KIRREL3: variants seen among roughly 807,000 people sequenced by gnomAD.
KIRREL3 encodes kin of IRRE-like protein 3.
In KIRREL3, 36 loss-of-function variants were observed where a neutral mutation model predicts 89.7. The observed-to-expected ratio is 0.40, with a 90% CI of 0.31 to 0.53. KIRREL3 has a LOEUF of 0.53. Ranked by LOEUF, KIRREL3 falls within the 20% of genes least tolerant of loss-of-function variation. KIRREL3 has a pLI of 0.49. For missense variants in KIRREL3, 864 were observed against 1,056.6 expected, an observed-to-expected ratio of 0.82 and a Z score of 2.53; for synonymous variants, 445 against 441.4, an observed-to-expected ratio of 1.01 and a Z score of -0.10.
At chr11:126,921,391 GTATC>G (rs35917135) in intron 1 of KIRREL3, among the ~76,000 whole-genome samples, 36,844 of 143,682 alleles carry the variant, frequency 0.26, 4,604 homozygotes, top group East Asian at 0.33. Context: ...ATCCTGTCTT[GTATC>G]TATCTATCTA....
intron 9 of KIRREL3, 118 bp downstream of exon 9, chr11:126,446,641 A>G (rs1467365865): frequency 8.6e-7 from 1 of 1,167,050 alleles, no homozygotes. Flanking sequence ...CCTGTGGCTT[A>G]CACTGGAGGC....
At position 126,463,073 on chromosome 11, in the gene KIRREL3, G is replaced by A. The variant is rs764395603; in HGVS notation, c.742+84C>T. The A allele has an allele frequency of 7.3e-7, 1 of 1,367,944 alleles. No individual in the cohort carries two copies. Among genetic ancestry groups the A allele is most frequent in the Non-Finnish European group, 1.0e-6 (1 of 982,358 alleles). The allele number at this position is 1,367,944 out of a possible 1,614,324, so 84.7% of individuals were successfully genotyped here. Reference sequence around the variant, plus strand: ...CTGCCTGACCCATTTCCTGCTATCAGATGGGCCAGGCTATGGTCAGGGTTG... The same window carrying A: ...CTGCCTGACCCATTTCCTGCTATCAAATGGGCCAGGCTATGGTCAGGGTTG... On this transcript the variant is annotated intron_variant, in intron 6 of 16. Coordinates refer to ENST00000525144, the MANE Select transcript of KIRREL3 (RefSeq NM_032531.4). The surrounding 1 kb of genome is among the most constrained non-coding windows in gnomAD (Gnocchi z 5.9).
chr11:126,956,607 G>C (rs867295629), intron 1 of KIRREL3, among the ~76,000 whole-genome samples: 1 of 152,162 alleles, frequency 6.6e-6, no homozygotes. Context: ...TTTGTTAGGG[G>C]TGGTAGTCGG....
At chr11:126,602,123 C>T (rs1432142123) in intron 1 of KIRREL3, among the ~76,000 whole-genome samples, 1 of 152,194 alleles carries the variant, frequency 6.6e-6, no homozygotes, top group Non-Finnish European at 1.5e-5. Flanking sequence ...AGTCTTTCCC[C>T]AGGAGCGGTG....
In KIRREL3 at chr11:126,868,907, C is replaced by T. The variant is rs542224247; in HGVS notation, c.55+131548G>A. ...TAGACAGCTGCCTTCTGGCTGTATCCTCACTTGCTGGAGGGGCAAGAGAGC... is the reference window on the plus strand; with the variant it reads ...TAGACAGCTGCCTTCTGGCTGTATCTTCACTTGCTGGAGGGGCAAGAGAGC... On this transcript the variant is annotated intron_variant, in intron 1 of 16. Coordinates refer to ENST00000525144, the MANE Select transcript of KIRREL3 (RefSeq NM_032531.4). Among the ~76,000 whole-genome samples the T allele has an allele frequency of 3.4e-4, 52 of 152,200 alleles. 1 individual carries two copies. Among genetic ancestry groups the T allele is most frequent in the Middle Eastern group, 3.4e-3 (1 of 294 alleles).
rs1243227897 is a variant in KIRREL3, at chr11:126,607,596, A to G, written c.56-44684T>C. ...CCATTATTAATTGATCGCTGTTATT[A>G]TCATGTAGGCATTAAGTGGCTTCCT... On this transcript the variant is annotated intron_variant, in intron 1 of 16. Transcript: ENST00000525144. The surrounding 1 kb of genome is among the most constrained non-coding windows in gnomAD (Gnocchi z 6.6). Among the ~76,000 whole-genome samples the G allele has an allele frequency of 1.3e-5, 2 of 152,216 alleles. No individual in the cohort carries two copies. Among genetic ancestry groups the G allele is most frequent in the Non-Finnish European group, 2.9e-5 (2 of 68,042 alleles).
rs1158933676 is a variant in KIRREL3, at chr11:126,977,268, C to T, written c.55+23187G>A. ...AACTGAGCTCCTTGGAGAGTGTCTG[C>T]GCAGTCAGGTTGGTTTCTTCGGATG... On this transcript the variant is annotated intron_variant, in intron 1 of 16. Transcript: ENST00000525144. The surrounding 1 kb of genome is among the most constrained non-coding windows in gnomAD (Gnocchi z 4.7). Among the ~76,000 whole-genome samples the T allele has an allele frequency of 3.3e-5, 5 of 152,096 alleles. No individual in the cohort carries two copies. Among genetic ancestry groups the T allele is most frequent in the African/African-American group, 1.2e-4 (5 of 41,412 alleles).
In KIRREL3 at chr11:126,696,026, G is replaced by A. The variant is rs1415831488; in HGVS notation, c.56-133114C>T. Among the ~76,000 whole-genome samples, 1 of 151,844 alleles carries A rather than the reference G, an allele frequency of 6.6e-6. No individual in the cohort carries two copies. The highest frequency in any genetic ancestry group is 1.5e-5 in the Non-Finnish European group (1 of 67,962). On this transcript the variant is annotated intron_variant, in intron 1 of 16. Coordinates refer to ENST00000525144, the MANE Select transcript of KIRREL3 (RefSeq NM_032531.4). This position sits in a 1 kb window ranked among gnomAD's most constrained non-coding sequence, Gnocchi z 4.4. ...CCCAGCACTTTGGGAGGCTGAGGCG[G>A]GTGGATTACCTGAGGTCAGGAGTTC... is the stretch of plus-strand genomic sequence containing the variant.
intron 1 of KIRREL3, among the ~76,000 whole-genome samples, chr11:126,789,880 A>G (rs1468606694): frequency 6.6e-6 from 1 of 152,064 alleles, no homozygotes; most frequent in Non-Finnish European, 1.5e-5. Flanking sequence ...CTCTTTCATA[A>G]TCTCAATTCT....
chr11:126,991,658 G>A lies in KIRREL3; in HGVS notation c.55+8797C>T, dbSNP rs1217530058. 6.6e-6 allele frequency among the ~76,000 whole-genome samples: 1 copy of A among 152,122 alleles called. No homozygotes were observed. The highest frequency in any genetic ancestry group is 2.4e-5 in the African/African-American group (1 of 41,442). The stretch of plus-strand genomic sequence containing the variant: ...CTCAGAAAGAGTCTGGAATAAAAAA[G>A]AAATTGAACTACAATGCTGCCTCCT... On this transcript the variant is annotated intron_variant, in intron 1 of 16. Transcript: ENST00000525144. This position sits in a 1 kb window ranked among gnomAD's most constrained non-coding sequence, Gnocchi z 5.8.
At chr11:126,875,883 T>A (rs575763216) in intron 1 of KIRREL3, among the ~76,000 whole-genome samples, 1 of 152,318 alleles carries the variant, frequency 6.6e-6, no homozygotes, top group South Asian at 2.1e-4. Flanking sequence ...TGATTGTTAA[T>A]GAAATGAATA....
intron 7 of KIRREL3, among the ~76,000 whole-genome samples, chr11:126,452,752 G>A (rs1472417999): frequency 3.9e-5 from 6 of 152,174 alleles, no homozygotes; most frequent in East Asian, 3.9e-4. Context: ...GAAGAGGACC[G>A]GAGCCGCTGT....
chr11:126,818,926 C>A (rs1435286752), intron 1 of KIRREL3, among the ~76,000 whole-genome samples: 2 of 152,062 alleles, frequency 1.3e-5, no homozygotes, highest in East Asian at 3.9e-4. Context: ...GGGGACGTAT[C>A]CCCTACACTC....
intron 1 of KIRREL3, among the ~76,000 whole-genome samples, chr11:126,967,086 T>C (rs1226718473): frequency 6.6e-6 from 1 of 152,154 alleles, no homozygotes; most frequent in Non-Finnish European, 1.5e-5. Flanking sequence ...CCATTAGAAA[T>C]GACTCTGAAA....
At chr11:126,873,386 CGG>C (rs1261858011) in intron 1 of KIRREL3, among the ~76,000 whole-genome samples, 1 of 152,100 alleles carries the variant, frequency 6.6e-6, no homozygotes, top group Admixed American at 6.5e-5. Context: ...TTCAACTTTG[CGG>C]GTGACTGGAT....
rs1957658355 is a variant in KIRREL3, at chr11:126,496,458, T to A, written c.434-22992A>T. On this transcript the variant is annotated intron_variant, in intron 4 of 16. Coordinates refer to ENST00000525144, the MANE Select transcript of KIRREL3 (RefSeq NM_032531.4). This position sits in a 1 kb window ranked among gnomAD's most constrained non-coding sequence, Gnocchi z 4.9. ...TCTTAGGGCCTAGGAATTCCCATGA[T>A]AAGTTCAGTGCCTTCCCTGCCACCC... is the stretch of plus-strand genomic sequence containing the variant. Among the ~76,000 whole-genome samples, 1 of 152,026 alleles carries A rather than the reference T, an allele frequency of 6.6e-6. No individual in the cohort carries two copies. Among genetic ancestry groups the A allele is most frequent in the Non-Finnish European group, 1.5e-5 (1 of 68,018 alleles).
intron 1 of KIRREL3, among the ~76,000 whole-genome samples, chr11:126,938,075 T>C (rs1194841374): frequency 6.6e-6 from 1 of 152,146 alleles, no homozygotes; most frequent in Non-Finnish European, 1.5e-5. Context: ...GAGAAACAAA[T>C]GAATCCCTAC....
intron 7 of KIRREL3, among the ~76,000 whole-genome samples, chr11:126,450,863 GTGTGTGCA>G (rs370244986): frequency 0.014 from 2,121 of 150,690 alleles, 30 homozygotes; most frequent in African/African-American, 0.038. Context: ...ATGTGCACGT[GTGTGTGCA>G]TGTGTGCATG....
intron 1 of KIRREL3, among the ~76,000 whole-genome samples, chr11:126,927,847 G>A (rs76644599): frequency 0.021 from 3,136 of 152,356 alleles, 48 homozygotes; most frequent in Non-Finnish European, 0.031. Context: ...ATCCAGACAA[G>A]GCTGTCCAGG....
Sources: allele counts gnomAD v4.1 joint callset (sites outside exome capture counted in the v4.1 genomes callset), GRCh38; gene constraint gnomAD v4.1.1; non-coding constraint Gnocchi (gnomAD v3.1); transcripts MANE v1.5; gene names NCBI Gene and HGNC (gene_info 2026-07-23, HGNC 2026-07-21).